PTPRD: variants seen among roughly 807,000 people sequenced by gnomAD.
PTPRD encodes the protein protein tyrosine phosphatase receptor type D.
In PTPRD, 34 loss-of-function variants were observed where a neutral mutation model predicts 214.5. That is an observed-to-expected ratio of 0.16 (90% CI 0.12 to 0.21). The LOEUF (loss-of-function observed/expected upper bound fraction) is 0.21, where lower values mean the gene tolerates loss of function less well. Among genes scored for constraint, PTPRD ranks in the 10% least tolerant of loss-of-function variants. PTPRD has a pLI of 1.00. For missense variants in PTPRD, 2,545 were observed against 2,398.7 expected (o/e 1.06, Z -1.27); for synonymous variants, 1,128 against 845.7 (o/e 1.33, Z -5.79).
At chr9:10,197,078 G>A (rs2099401259) in intron 3 of PTPRD, among the ~76,000 whole-genome samples, 1 of 151,922 alleles carries the variant, frequency 6.6e-6, no homozygotes, top group African/African-American at 2.4e-5. Context: ...TTTGTTATAG[G>A]CACCTTAATG....
At chr9:10,580,372 G>A (rs963450237) in intron 2 of PTPRD, among the ~76,000 whole-genome samples, 3 of 152,126 alleles carry the variant, frequency 2.0e-5, no homozygotes, top group African/African-American at 7.2e-5. Flanking sequence ...ATATAAACCT[G>A]TACCAATATA....
intron 2 of PTPRD, among the ~76,000 whole-genome samples, chr9:10,571,980 G>A (rs919419446): frequency 6.6e-6 from 1 of 152,112 alleles, no homozygotes; most frequent in African/African-American, 2.4e-5. Context: ...TGCTGCCCAG[G>A]GGTTGGGGAC....
intron 9 of PTPRD, among the ~76,000 whole-genome samples, chr9:9,257,468 T>C (rs912577290): frequency 2.0e-5 from 3 of 151,742 alleles, no homozygotes; most frequent in African/African-American, 7.3e-5. Flanking sequence ...AACAGAAAGC[T>C]AAAACAAAAG....
intron 14 of PTPRD, among the ~76,000 whole-genome samples, chr9:8,541,698 G>A (rs35379354): frequency 0.17 from 25,639 of 152,034 alleles, 2,569 homozygotes; most frequent in African/African-American, 0.29. Flanking sequence ...GTGTGTGTAT[G>A]TCAATGTATG....
At chr9:9,848,063 C>A (rs2059880836) in intron 5 of PTPRD, among the ~76,000 whole-genome samples, 1 of 152,062 alleles carries the variant, frequency 6.6e-6, no homozygotes, top group Non-Finnish European at 1.5e-5. Context: ...GTCAGATGAG[C>A]TGAGATGCCA....
chr9:10,089,236 A>G (rs151046446), intron 3 of PTPRD, among the ~76,000 whole-genome samples: 2 of 150,832 alleles, frequency 1.3e-5, no homozygotes, highest in African/African-American at 4.9e-5. Flanking sequence ...TAAATAAATA[A>G]ATAGAAATAA....
chr9:9,759,946 T>C (rs1004318261), intron 6 of PTPRD, among the ~76,000 whole-genome samples: 26 of 152,290 alleles, frequency 1.7e-4, no homozygotes, highest in South Asian at 6.2e-4. Context: ...ATTTCAAATA[T>C]ATCTTTCTTT....
intron 8 of PTPRD, among the ~76,000 whole-genome samples, chr9:9,451,997 C>G (rs935295454): frequency 5.3e-5 from 8 of 151,260 alleles, no homozygotes; most frequent in African/African-American, 1.9e-4. Flanking sequence ...AATTATCATA[C>G]GTACAGTATA....
At chr9:10,159,150 T>C (rs924310671) in intron 3 of PTPRD, among the ~76,000 whole-genome samples, 2 of 151,050 alleles carry the variant, frequency 1.3e-5, no homozygotes, top group Non-Finnish European at 2.9e-5. Context: ...TAAGGTACCA[T>C]CTACTCTCAA....
chr9:9,370,464 A>G (rs377237800), intron 9 of PTPRD, among the ~76,000 whole-genome samples: 2 of 150,382 alleles, frequency 1.3e-5, no homozygotes, highest in Non-Finnish European at 2.9e-5. Context: ...TTGATTTTGT[A>G]TGCTGAGACT....
intron 8 of PTPRD, among the ~76,000 whole-genome samples, chr9:9,426,171 TGACA>T (rs1438362448): frequency 2.0e-5 from 3 of 152,096 alleles, no homozygotes; most frequent in Non-Finnish European, 4.4e-5. Context: ...AGGGAAGCCG[TGACA>T]GACAGCACCT....
chr9:9,200,887 C>T (rs943862780), intron 9 of PTPRD, among the ~76,000 whole-genome samples: 1 of 152,178 alleles, frequency 6.6e-6, no homozygotes, highest in South Asian at 2.1e-4. Flanking sequence ...TGGTTTTCCT[C>T]TCTATTGTAG....
intron 9 of PTPRD, among the ~76,000 whole-genome samples, chr9:9,284,020 C>T (rs193055291): frequency 6.6e-6 from 1 of 151,738 alleles, no homozygotes; most frequent in Admixed American, 6.6e-5. Flanking sequence ...CTGGCATGTC[C>T]TAGTAGATTC....
intron 10 of PTPRD, among the ~76,000 whole-genome samples, chr9:9,089,453 C>T (rs573594229): frequency 1.1e-4 from 17 of 152,200 alleles, no homozygotes; most frequent in African/African-American, 3.4e-4. Flanking sequence ...ATTTGATCTG[C>T]GGCAGGCCAT....
intron 5 of PTPRD, among the ~76,000 whole-genome samples, chr9:9,884,497 C>T (rs1366369752): frequency 6.6e-6 from 1 of 152,078 alleles, no homozygotes; most frequent in Non-Finnish European, 1.5e-5. Flanking sequence ...AAGCATGTGG[C>T]ATATGTCTCC....
chr9:9,919,761 G>A (rs1266406692), intron 5 of PTPRD, among the ~76,000 whole-genome samples: 4 of 152,108 alleles, frequency 2.6e-5, no homozygotes, highest in East Asian at 1.9e-4. Context: ...ATGACCTGGT[G>A]CTAACTATTT....
chr9:8,716,819 G>A (rs1394559480), intron 12 of PTPRD, among the ~76,000 whole-genome samples: 1 of 152,164 alleles, frequency 6.6e-6, no homozygotes, highest in Non-Finnish European at 1.5e-5. Context: ...GTCACTGGCT[G>A]TATGGAAGGC....
chr9:9,435,781 C>T (rs1321050212), intron 8 of PTPRD, among the ~76,000 whole-genome samples: 1 of 151,962 alleles, frequency 6.6e-6, no homozygotes, highest in Non-Finnish European at 1.5e-5. Flanking sequence ...AGCTTTGGAT[C>T]CTTTATTAGA....
chr9:9,820,579 A>G (rs1235507416), intron 5 of PTPRD, among the ~76,000 whole-genome samples: 1 of 152,128 alleles, frequency 6.6e-6, no homozygotes, highest in African/African-American at 2.4e-5. Context: ...ACAGAATGGC[A>G]TTTCCTAGGT....
Sources: allele counts gnomAD v4.1 joint callset (sites outside exome capture counted in the v4.1 genomes callset), GRCh38; gene constraint gnomAD v4.1.1; transcripts MANE v1.5; gene names NCBI Gene and HGNC (gene_info 2026-07-23, HGNC 2026-07-21).